The following PLK3 variants were observed in gnomAD, a reference collection of about 807,000 sequenced individuals.
The protein encoded by PLK3 is polo like kinase 3.
Under a neutral mutation model 71.6 loss-of-function variants are expected in PLK3, and 41 were observed. The observed-to-expected ratio is 0.57, with a 90% confidence interval of 0.45 to 0.74. PLK3 has a LOEUF of 0.74. Ranked by LOEUF, PLK3 falls within the 30% of genes least tolerant of loss-of-function variation. The pLI is 0.00. For missense variants in PLK3, 791 were observed against 875.6 expected (o/e 0.90, Z 1.22); for synonymous variants, 366 against 355.4 (o/e 1.03, Z -0.33).
At chr1:44,801,530 A>T in intron 3 of PLK3, 92 bp from the exon 4 acceptor site, 1 of 1,416,920 alleles carries the variant, frequency 7.1e-7, no homozygotes, top group Non-Finnish European at 9.7e-7. Context: ...TTAAGACCCA[A>T]AGCTGGGGCC....
chr1:44,805,235 G>A, intron 13 of PLK3, 31 bp from the exon 14 acceptor site: 2 of 1,472,118 alleles, frequency 1.4e-6, no homozygotes, highest in Non-Finnish European at 1.9e-6. Flanking sequence ...TCTCACGCTG[G>A]ATCAGTGACC....
At chr1:44,804,546 GC>G (rs1651944847) in intron 12 of PLK3, 45 bp downstream of exon 12, 1 of 1,608,844 alleles carries the variant, frequency 6.2e-7, no homozygotes, top group Admixed American at 1.7e-5. Flanking sequence ...CACTAATCCA[GC>G]AGGGCCGCAC....
At position 44,800,929 on chromosome 1, in the gene PLK3, G is replaced by C; in HGVS notation, c.300G>C (p.Lys100Asn). The C allele has an allele frequency of 3.1e-6, 5 of 1,613,028 alleles. No homozygotes were observed. The highest frequency in any genetic ancestry group is 4.2e-6 in the Non-Finnish European group (5 of 1,179,932). ...VKVIPQSRVA[K>N]PHQREKILNE... ...TCATCCCGCAGAGCCGCGTCGCCAAGCCGCATCAGCGCGAGAAGGTGGGTC... is the reference window on the plus strand; with the variant it reads ...TCATCCCGCAGAGCCGCGTCGCCAACCCGCATCAGCGCGAGAAGGTGGGTC... Residue 100 changes from lysine (K) to asparagine (N), a missense_variant, in exon 2 of 15, where the codon AAG becomes AAC. Lys to Asn is a moderately conservative substitution (Grantham distance 94). Transcript: ENST00000372201. This position sits in a 1 kb window ranked among gnomAD's most constrained non-coding sequence, Gnocchi z 6.5.
chr1:44,804,429 A>G lies in PLK3; in HGVS notation c.1433A>G (p.Tyr478Cys). 1 of 1,614,164 alleles carries G rather than the reference A, an allele frequency of 6.2e-7. No homozygotes were observed. The change falls in exon 12 of 15, where the codon TAT (tyrosine) becomes TGT (cysteine). Residue 478 changes from tyrosine (Y) to cysteine (C), a missense_variant. Coordinates refer to ENST00000372201, the MANE Select transcript of PLK3 (RefSeq NM_004073.4). ...TACTCCAATAAGTTCGGCTTTGGGTATCAACTGTCCAGCCGCCGTGTGGCT... is the reference window on the plus strand; with the variant it reads ...TACTCCAATAAGTTCGGCTTTGGGTGTCAACTGTCCAGCCGCCGTGTGGCT... ...VDYSNKFGFGYQLSSRRVAVL... is the reference protein window; with the variant it reads ...VDYSNKFGFGCQLSSRRVAVL...
Position 44,800,791 on chromosome 1 carries a change from C to G in PLK3, c.211-49C>G, listed in dbSNP as rs778557770. ...CCCCCAACGCGGGGACGCCCGCGGG[C>G]CAGACTCGGCCCCCCTGGAACAACC... On this transcript the variant is annotated intron_variant, in intron 1 of 14. Transcript: ENST00000372201. This position sits in a 1 kb window ranked among gnomAD's most constrained non-coding sequence, Gnocchi z 6.5. The G allele has an allele frequency of 6.4e-7, 1 of 1,567,878 alleles. No homozygotes were observed. Among genetic ancestry groups the G allele is most frequent in the African/African-American group, 1.4e-5 (1 of 73,752 alleles).
In PLK3 at chr1:44,804,832, G is replaced by A. The variant is rs1022534187; in HGVS notation, c.1635+53G>A. On this transcript the variant is annotated intron_variant, in intron 13 of 14. Transcript: ENST00000372201. ...GAAACCTAACCCATCCTGGCCGGGTGCGGTGGCTCACGCCTGTAATCCCAG... is the reference window on the plus strand; with the variant it reads ...GAAACCTAACCCATCCTGGCCGGGTACGGTGGCTCACGCCTGTAATCCCAG... 27 of 1,589,218 alleles carry A rather than the reference G, an allele frequency of 1.7e-5. No homozygotes were observed. In the South Asian group the frequency reaches 2.9e-4, roughly 17 times the overall value.
chr1:44,804,038 G>A lies in PLK3; in HGVS notation c.1258+14G>A. 1 of 1,547,696 alleles carries A rather than the reference G, an allele frequency of 6.5e-7. No homozygotes were observed. Among genetic ancestry groups the A allele is most frequent in the Non-Finnish European group, 8.8e-7 (1 of 1,136,506 alleles). On this transcript the variant is annotated intron_variant, in intron 10 of 14. Transcript: ENST00000372201. ...GCAGTGGAGATGGTGAGGAGCCAGG[G>A]AGGATGAGAGGTGATAGAGGTTGCT...
chr1:44,804,384 G>C lies in PLK3; in HGVS notation c.1388G>C (p.Trp463Ser), dbSNP rs780242475. 1 of 1,614,200 alleles carries C rather than the reference G, an allele frequency of 6.2e-7. No homozygotes were observed. The highest frequency in any genetic ancestry group is 2.2e-5 in the East Asian group (1 of 44,874). ...APLAQPEPLV[W>S]VSKWVDYSNK... ...CTGGCCCAGCCAGAGCCTCTGGTGT[G>C]GGTCAGCAAGTGGGTTGACTACTCC... The change falls in exon 12 of 15, where the codon TGG (tryptophan) becomes TCG (serine). Residue 463 changes from tryptophan to serine, a missense_variant. Coordinates refer to ENST00000372201, the MANE Select transcript of PLK3 (RefSeq NM_004073.4).
Position 44,802,466 on chromosome 1 carries a change from G to A in PLK3, c.654-294G>A, listed in dbSNP as rs1220302551. Among the ~76,000 whole-genome samples, 3 of 152,138 alleles carry A rather than the reference G, an allele frequency of 2.0e-5. No individual in the cohort carries two copies. The East Asian group carries it at 5.8e-4, about 29-fold the overall frequency. On this transcript the variant is annotated intron_variant, in intron 5 of 14. Transcript: ENST00000372201. ...AGCCTGATGCCTGTCTGACAGACAG[G>A]AGTGCAGGAAGGGGGAAGGGATCAG...
Position 44,803,769 on chromosome 1 carries a change from C to G in PLK3, c.1164+78C>G, listed in dbSNP as rs893598613. The G allele has an allele frequency of 1.6e-6, 2 of 1,253,158 alleles. No homozygotes were observed. Among genetic ancestry groups the G allele is most frequent in the Non-Finnish European group, 2.3e-6 (2 of 873,244 alleles). The allele number at this position is 1,253,158 out of a possible 1,614,324, so 77.6% of individuals were successfully genotyped here. Reference sequence around the variant, plus strand: ...TGAGGGAAGCCGGGGATAAAAGAGGCTGCTGAAGCATCCAGCCTCGTGGTG... The same window carrying G: ...TGAGGGAAGCCGGGGATAAAAGAGGGTGCTGAAGCATCCAGCCTCGTGGTG... On this transcript the variant is annotated intron_variant, in intron 9 of 14. Transcript: ENST00000372201. This position sits in a 1 kb window ranked among gnomAD's most constrained non-coding sequence, Gnocchi z 4.3.
rs575994750 is a variant in PLK3 at position 44,803,027 on chromosome 1, G to A, written c.822G>A (p.Gln274=). 5.3e-5 allele frequency: 85 copies of A among 1,614,050 alleles called. 1 individual carries two copies. In the South Asian group the frequency reaches 9.0e-4, roughly 17 times the overall value. The change falls in exon 7 of 15, where the codon CAG becomes CAA. Residue 274 remains glutamine (Q), a synonymous_variant. Transcript: ENST00000372201. The surrounding 1 kb of genome is among the most constrained non-coding windows in gnomAD (Gnocchi z 4.3). ...AGGAGACGTACCGCTGCATCAAGCA[G>A]GTTCACTACACGCTGCCTGCCAGCC... The part of the protein sequence containing the change: ...DLKETYRCIK[Q]VHYTLPASLS...
intron 5 of PLK3, among the ~76,000 whole-genome samples, chr1:44,802,375 T>C (rs1651860831): frequency 6.6e-6 from 1 of 152,046 alleles, no homozygotes; most frequent in South Asian, 2.1e-4. Context: ...ATGTGGCAGA[T>C]GAGTGTTTAT....
In PLK3 at chr1:44,805,586, G is replaced by C; in HGVS notation, c.1849G>C (p.Ala617Pro). The change falls in exon 15 of 15, where the codon GCT becomes CCT. Residue 617 changes from alanine (A) to proline (P), a missense_variant. Transcript: ENST00000372201. ...AAATCGTAGTGCTTGTACTTACCTC[G>C]CTTCCCACCTTCGGCAGCTGGGCTG... ...ARNRSACTYL[A>P]SHLRQLGCSP... is the part of the protein sequence containing the mutation. 2 of 1,614,170 alleles carry C rather than the reference G, an allele frequency of 1.2e-6. No individual in the cohort carries two copies. The highest frequency in any genetic ancestry group is 2.7e-5 in the African/African-American group (2 of 75,058).
rs1235837114 is a variant in PLK3, at chr1:44,802,998, C to A, written c.793C>A (p.Leu265Met). 1 of 1,614,046 alleles carries A rather than the reference C, an allele frequency of 6.2e-7. No individual in the cohort carries two copies. Among genetic ancestry groups the A allele is most frequent in the Admixed American group, 1.7e-5 (1 of 60,018 alleles). ...GAGCCCTCCCTTTGAGACGGCTGAC[C>A]TGAAGGAGACGTACCGCTGCATCAA... is the stretch of plus-strand genomic sequence containing the variant. Reference protein sequence around the residue: ...CGSPPFETADLKETYRCIKQV... With the variant: ...CGSPPFETADMKETYRCIKQV... The change falls in exon 7 of 15, where the codon CTG becomes ATG. Residue 265 changes from leucine (L) to methionine (M), a missense_variant. Physicochemically the swap from Leu to Met is conservative, Grantham distance 15. Transcript: ENST00000372201.
rs1196559884 is a variant in PLK3 at position 44,800,910 on chromosome 1, C to G, written c.281C>G (p.Pro94Arg). Residue 94 changes from proline to arginine, a missense_variant, in exon 2 of 15, where the codon CCG becomes CGG. Coordinates refer to ENST00000372201, the MANE Select transcript of PLK3 (RefSeq NM_004073.4). This position sits in a 1 kb window ranked among gnomAD's most constrained non-coding sequence, Gnocchi z 6.5. Reference sequence around the variant, plus strand: ...AGCGCCTACGCTGTCAAAGTCATCCCGCAGAGCCGCGTCGCCAAGCCGCAT... The same window carrying G: ...AGCGCCTACGCTGTCAAAGTCATCCGGCAGAGCCGCGTCGCCAAGCCGCAT... ...TGSAYAVKVI[P>R]QSRVAKPHQR... 1.2e-6 allele frequency: 2 copies of G among 1,612,490 alleles called. No homozygotes were observed. The highest frequency in any genetic ancestry group is 3.3e-5 in the Admixed American group (2 of 59,996).
rs1369251645 is a variant in PLK3, at chr1:44,803,600, G to T, written c.1073G>T (p.Ser358Ile). 4.3e-6 allele frequency: 7 copies of T among 1,613,596 alleles called. No homozygotes were observed. Among genetic ancestry groups the T allele is most frequent in the South Asian group, 1.1e-5 (1 of 91,068 alleles). Residue 358 changes from serine (S) to isoleucine (I), a missense_variant and splice_region_variant, in exon 9 of 15, where the codon AGT becomes ATT. Physicochemically the swap from Ser to Ile is moderately radical, Grantham distance 142. Coordinates refer to ENST00000372201, the MANE Select transcript of PLK3 (RefSeq NM_004073.4). This position sits in a 1 kb window ranked among gnomAD's most constrained non-coding sequence, Gnocchi z 4.3. ...GGACGGTATCACCTTTCACCCCCAG[G>T]TAAGAATCATGCCCAGGAGAGGGAT... is the stretch of plus-strand genomic sequence containing the variant. ...TKSLFGRKKKSKNHAQERDEV... is the reference protein window; with the variant it reads ...TKSLFGRKKKIKNHAQERDEV...
chr1:44,801,772 G>T lies in PLK3; in HGVS notation c.565+21G>T, dbSNP rs1285211740. 3 of 1,444,436 alleles carry T rather than the reference G, an allele frequency of 2.1e-6. No homozygotes were observed. The South Asian group carries it at 3.4e-5, about 16-fold the overall frequency. The allele number at this position is 1,444,436 out of a possible 1,614,324, so 89.5% of individuals were successfully genotyped here. On this transcript the variant is annotated intron_variant, in intron 4 of 14. Coordinates refer to ENST00000372201, the MANE Select transcript of PLK3 (RefSeq NM_004073.4). ...GTTGGGTGAGACTCCTGAGCCTGGA[G>T]GATGGGAGGTTGGGGAGGGAGGGAG...
In PLK3 at chr1:44,803,342, G is replaced by C; in HGVS notation, c.1023G>C (p.Arg341Ser). Residue 341 changes from arginine to serine, a missense_variant, in exon 8 of 15, where the codon AGG becomes AGC. Transcript: ENST00000372201. The surrounding 1 kb of genome is among the most constrained non-coding windows in gnomAD (Gnocchi z 4.3). ...VPDLTPPNPA[R>S]SLFAKVTKSL... ...ACCTGACACCCCCCAACCCAGCTAGGAGTCTGTTTGCCAAAGTTACCAAGA... is the reference window on the plus strand; with the variant it reads ...ACCTGACACCCCCCAACCCAGCTAGCAGTCTGTTTGCCAAAGTTACCAAGA... 1 of 1,614,120 alleles carries C rather than the reference G, an allele frequency of 6.2e-7. No individual in the cohort carries two copies. The highest frequency in any genetic ancestry group is 8.5e-7 in the Non-Finnish European group (1 of 1,180,024).
At position 44,801,160 on chromosome 1, in the gene PLK3, A is replaced by G. The variant is rs17881698; in HGVS notation, c.435+8A>G. On this transcript the variant is annotated splice_region_variant and intron_variant, in intron 3 of 14. Transcript: ENST00000372201. ...GAGCTCTGCAGCCGAAAGGTGAAAG[A>G]TGGTGATTCCCGCAGGGATGAGAGT... The G allele has an allele frequency of 0.22, 277,547 of 1,254,742 alleles. 25,831 individuals carry two copies. Among genetic ancestry groups the G allele is most frequent in the East Asian group, 0.28 (11,333 of 40,198 alleles). The allele number at this position is 1,254,742 out of a possible 1,614,324, so 77.7% of individuals were successfully genotyped here.
Sources: gnomAD v4.1 joint callset for allele counts (sites outside exome capture counted in the v4.1 genomes callset) on GRCh38, gnomAD v4.1.1 for gene constraint, Gnocchi (gnomAD v3.1) non-coding constraint, MANE v1.5 for transcripts, NCBI Gene and HGNC (gene_info 2026-07-23, HGNC 2026-07-21) for gene names.